Variants in RPTOR observed in about 807,000 individuals in gnomAD.
RPTOR encodes regulatory associated protein of MTOR complex 1.
RPTOR carries 21 observed loss-of-function variants against 169.9 expected under a neutral mutation model. The ratio of observed to expected loss-of-function variants is 0.12; its 90% CI spans 0.09 to 0.18. RPTOR has a LOEUF of 0.18. Ranked by LOEUF, RPTOR falls within the 10% of genes least tolerant of loss-of-function variation. The pLI is 1.00. For missense variants in RPTOR, 1,133 were observed against 1,855.9 expected (o/e 0.61, Z 7.16); for synonymous variants, 732 against 753.2 (o/e 0.97, Z 0.46).
At chr17:80,670,488 G>A (rs563931293) in intron 3 of RPTOR, among the ~76,000 whole-genome samples, 102 of 152,256 alleles carry the variant, frequency 6.7e-4, no homozygotes, top group Admixed American at 1.2e-3. Flanking sequence ...CCTGCCCGCT[G>A]CTTCGTCTTT....
rs187133912 is a variant in RPTOR at position 80,917,841 on chromosome 17, C to T, written c.2521-4883C>T. 2.0e-4 allele frequency among the ~76,000 whole-genome samples: 31 copies of T among 152,286 alleles called. 1 individual carries two copies. The East Asian group carries it at 5.8e-3, about 28-fold the overall frequency. ...CGGGAATCGTGAGCTCTACGTCCAG[C>T]CCCTGAAGGCCGTGCTGCCCATCCC... On this transcript the variant is annotated intron_variant, in intron 21 of 33. Coordinates refer to ENST00000306801, the MANE Select transcript of RPTOR (RefSeq NM_020761.3).
chr17:80,865,149 C>T (rs967452329), intron 13 of RPTOR, among the ~76,000 whole-genome samples: 1 of 152,212 alleles, frequency 6.6e-6, no homozygotes, highest in African/African-American at 2.4e-5. Context: ...TCCATAAACC[C>T]TAAAGCTGCC....
In RPTOR at chr17:80,936,032, A is replaced by G. The variant is rs1378345142; in HGVS notation, c.2920-4464A>G. Among the ~76,000 whole-genome samples, 2 of 152,240 alleles carry G rather than the reference A, an allele frequency of 1.3e-5. No homozygotes were observed. Among genetic ancestry groups the G allele is most frequent in the Non-Finnish European group, 2.9e-5 (2 of 68,048 alleles). On this transcript the variant is annotated intron_variant, in intron 24 of 33. Transcript: ENST00000306801. The surrounding 1 kb of genome is among the most constrained non-coding windows in gnomAD (Gnocchi z 4.1). ...TAAAGGAAATAAGCAGCCCAATTAAAAAACAGTGGCGAAAGATTTTACAGA... is the reference window on the plus strand; with the variant it reads ...TAAAGGAAATAAGCAGCCCAATTAAGAAACAGTGGCGAAAGATTTTACAGA...
At chr17:80,691,778 T>G (rs143369515) in intron 3 of RPTOR, among the ~76,000 whole-genome samples, 1 of 152,222 alleles carries the variant, frequency 6.6e-6, no homozygotes. Context: ...GGGCTGCTCA[T>G]TGACCCTTGT....
chr17:80,603,775 T>C (rs2065208744), intron 1 of RPTOR, among the ~76,000 whole-genome samples: 2 of 152,356 alleles, frequency 1.3e-5, no homozygotes, highest in Middle Eastern at 3.4e-3. Flanking sequence ...TAGTGAAATG[T>C]TGCCAGCCAA....
At chr17:80,877,842 T>C (rs1188156936) in intron 13 of RPTOR, among the ~76,000 whole-genome samples, 1 of 152,224 alleles carries the variant, frequency 6.6e-6, no homozygotes, top group Non-Finnish European at 1.5e-5. Context: ...CCTGGCTCCC[T>C]GACCACCCGC....
intron 24 of RPTOR, among the ~76,000 whole-genome samples, chr17:80,926,170 C>A (rs111753289): frequency 2.7e-4 from 41 of 152,314 alleles, no homozygotes; most frequent in Middle Eastern, 6.8e-3. Context: ...ATCAAGCTTG[C>A]GTCTTAGTCA....
intron 3 of RPTOR, among the ~76,000 whole-genome samples, chr17:80,691,459 C>A (rs569390812): frequency 2.0e-5 from 3 of 149,882 alleles, no homozygotes; most frequent in African/African-American, 7.3e-5. Flanking sequence ...TGTGTGTGCA[C>A]GCATGTCAGT....
chr17:80,645,561 G>GT (rs996701279), intron 3 of RPTOR, among the ~76,000 whole-genome samples: 22 of 150,644 alleles, frequency 1.5e-4, no homozygotes, highest in South Asian at 6.2e-4. Flanking sequence ...ATTTACAATT[G>GT]TTTTTTTTGA....
intron 5 of RPTOR, among the ~76,000 whole-genome samples, chr17:80,744,295 C>T (rs138807864): frequency 0.096 from 833 of 8,668 alleles, 15 homozygotes; most frequent in Middle Eastern, 0.25. Context: ...ACTGTCCTGG[C>T]TACTAGCACA....
intron 3 of RPTOR, among the ~76,000 whole-genome samples, chr17:80,692,932 T>C (rs35103651): frequency 0.16 from 23,914 of 152,180 alleles, 2,750 homozygotes; most frequent in African/African-American, 0.33. Flanking sequence ...AATGTTTTAA[T>C]AATATGTGTA....
chr17:80,801,221 ATT>A (rs980922556), intron 7 of RPTOR, among the ~76,000 whole-genome samples: 10 of 152,178 alleles, frequency 6.6e-5, no homozygotes, highest in African/African-American at 2.2e-4. Flanking sequence ...CGTAGGAAGC[ATT>A]TACTGAGCCC....
At chr17:80,724,162 A>G (rs1244102013) in intron 4 of RPTOR, among the ~76,000 whole-genome samples, 2 of 151,288 alleles carry the variant, frequency 1.3e-5, no homozygotes, top group Non-Finnish European at 2.9e-5. Context: ...CTTCTCTGAG[A>G]CGTGGGAGGG....
chr17:80,713,028 AG>A (rs1481262946), intron 4 of RPTOR, among the ~76,000 whole-genome samples: 1 of 151,810 alleles, frequency 6.6e-6, no homozygotes, highest in Non-Finnish European at 1.5e-5. Context: ...CTTGTTGCTG[AG>A]TTTTAAGAGT....
chr17:80,689,333 C>A (rs1172300963), intron 3 of RPTOR, among the ~76,000 whole-genome samples: 2 of 152,230 alleles, frequency 1.3e-5, no homozygotes, highest in East Asian at 1.9e-4. Context: ...ACCATGCACT[C>A]CCCCGTGGGA....
intron 9 of RPTOR, among the ~76,000 whole-genome samples, chr17:80,824,285 A>T (rs767445145): frequency 2.6e-5 from 4 of 152,250 alleles, no homozygotes; most frequent in Admixed American, 1.3e-4. Flanking sequence ...GTAAGATAAA[A>T]TAGAGAACCC....
At chr17:80,709,883 C>T (rs116473874) in intron 4 of RPTOR, among the ~76,000 whole-genome samples, 1,812 of 152,086 alleles carry the variant, frequency 0.012, 39 homozygotes, top group African/African-American at 0.042. Flanking sequence ...CTTTGTATTC[C>T]AGACAGTAAT....
intron 20 of RPTOR, among the ~76,000 whole-genome samples, chr17:80,897,973 G>T (rs1314620226): frequency 1.3e-5 from 2 of 152,194 alleles, no homozygotes; most frequent in Non-Finnish European, 2.9e-5. Context: ...TGGCTCAGGA[G>T]TGCGCCGTCA....
chr17:80,738,460 A>G (rs2066453187), intron 5 of RPTOR, among the ~76,000 whole-genome samples: 1 of 152,246 alleles, frequency 6.6e-6, no homozygotes, highest in Non-Finnish European at 1.5e-5. Context: ...AGTAAAAAGA[A>G]AAGTGATTTC....
Sources: gnomAD v4.1 joint callset for allele counts (sites outside exome capture counted in the v4.1 genomes callset) on GRCh38, gnomAD v4.1.1 for gene constraint, Gnocchi (gnomAD v3.1) non-coding constraint, MANE v1.5 for transcripts, NCBI Gene and HGNC (gene_info 2026-07-23, HGNC 2026-07-21) for gene names.